The following CYTIP variants were observed in gnomAD, a reference collection of about 807,000 sequenced individuals.
CYTIP encodes the protein cytohesin-interacting protein.
A neutral mutation model predicts 43.8 loss-of-function variants in CYTIP; 26 were observed. That is an observed-to-expected ratio of 0.59 (90% CI 0.44 to 0.82). CYTIP has a LOEUF of 0.82. CYTIP is among the 40% of genes least tolerant of loss of function. The probability of loss-of-function intolerance (pLI) is 0.00; values close to 1 mark genes in which losing one functional copy is unlikely to be tolerated. For synonymous variants in CYTIP, 162 were observed against 162.9 expected, an observed-to-expected ratio of 0.99 and a Z score of 0.04; for missense variants, 426 against 443.1, an observed-to-expected ratio of 0.96 and a Z score of 0.35.
At chr2:157,434,841 TCTCTCTCTCACA>T (rs1396900110) in intron 1 of CYTIP, 94 bp from the exon 2 acceptor site, 60 of 444,436 alleles carry the variant, frequency 1.4e-4, no homozygotes, top group African/African-American at 1.3e-3. Context: ...TCTCTCTCTC[TCTCTCTCTCACA>T]CACACACACA....
chr2:157,416,545 T>C (rs1218297802), intron 7 of CYTIP, among the ~76,000 whole-genome samples: 2 of 152,214 alleles, frequency 1.3e-5, no homozygotes, highest in African/African-American at 4.8e-5. Flanking sequence ...TAGAATACAC[T>C]TGGGGAAATA....
chr2:157,429,454 T>C (rs779509834), intron 5 of CYTIP, among the ~76,000 whole-genome samples: 3 of 152,220 alleles, frequency 2.0e-5, no homozygotes, highest in Non-Finnish European at 2.9e-5. Flanking sequence ...ACTTTTCTCA[T>C]AGTAGTTATC....
chr2:157,443,970 G>C lies in CYTIP; in HGVS notation c.51C>G (p.Asp17Glu). Reference protein sequence around the residue: ...LQHSSNGNLADFCAGPAYSSY... With the variant: ...LQHSSNGNLAEFCAGPAYSSY... ...AGCTATACGCTGGCCCAGCGCAGAA[G>C]TCCGCCAAATTGCCATTGCTGCTGT... Residue 17 changes from aspartate (D) to glutamate (E), a missense_variant, in exon 1 of 8, where the codon GAC becomes GAG. Physicochemically the swap from Asp to Glu is conservative, Grantham distance 45. Coordinates refer to ENST00000264192, the MANE Select transcript of CYTIP (RefSeq NM_004288.5). The C allele has an allele frequency of 6.2e-7, 1 of 1,614,000 alleles. No homozygotes were observed. Among genetic ancestry groups the C allele is most frequent in the Non-Finnish European group, 8.5e-7 (1 of 1,179,972 alleles).
intron 1 of CYTIP, among the ~76,000 whole-genome samples, chr2:157,441,665 C>T (rs1685920969): frequency 6.6e-6 from 1 of 152,036 alleles, no homozygotes; most frequent in Admixed American, 6.6e-5. Flanking sequence ...CAAAATCCCT[C>T]TCTTTATCCT....
chr2:157,419,614 C>A lies in CYTIP; in HGVS notation c.547-1025G>T, dbSNP rs142007139. On this transcript the variant is annotated intron_variant, in intron 6 of 7. Transcript: ENST00000264192. ...TATTTATTCTCTACTGTTCCCCTTC[C>A]TTTGCAAATTCAGGTCCCTATAGCA... 6.6e-5 allele frequency among the ~76,000 whole-genome samples: 10 copies of A among 152,340 alleles called. No homozygotes were observed. In the East Asian group the frequency reaches 1.9e-3, roughly 29 times the overall value.
chr2:157,432,523 T>A (rs746073933), intron 3 of CYTIP, among the ~76,000 whole-genome samples: 1 of 152,158 alleles, frequency 6.6e-6, no homozygotes, highest in Non-Finnish European at 1.5e-5. Context: ...ACTAGGTACA[T>A]TGCATGTATT....
At chr2:157,422,675 A>G (rs1321125639) in intron 6 of CYTIP, among the ~76,000 whole-genome samples, 1 of 151,042 alleles carries the variant, frequency 6.6e-6, no homozygotes. Context: ...TGTCTCAAAA[A>G]AAAAAAAAAA....
chr2:157,427,062 T>C lies in CYTIP; in HGVS notation c.546+289A>G, dbSNP rs543470092. On this transcript the variant is annotated intron_variant, in intron 6 of 7. Transcript: ENST00000264192. ...TAATTCCAAACAAAATGTAAATCAA[T>C]AGAGATCACAGGTGCACTAATGAAG... 3.5e-4 allele frequency among the ~76,000 whole-genome samples: 54 copies of C among 152,240 alleles called. 1 individual carries two copies. In the South Asian group the frequency reaches 0.011, roughly 32 times the overall value.
intron 7 of CYTIP, among the ~76,000 whole-genome samples, chr2:157,417,712 G>A (rs1685458538): frequency 6.7e-6 from 1 of 150,154 alleles, no homozygotes; most frequent in African/African-American, 2.5e-5. Context: ...AAAAAAAACA[G>A]AAGTTCATAC....
chr2:157,417,153 A>G (rs1685450136), intron 7 of CYTIP, among the ~76,000 whole-genome samples: 1 of 152,210 alleles, frequency 6.6e-6, no homozygotes, highest in Non-Finnish European at 1.5e-5. Flanking sequence ...GACAATATAA[A>G]AAGAAACTGT....
Position 157,416,316 on chromosome 2 carries a change from C to T in CYTIP, c.614-173G>A, listed in dbSNP as rs1459749481. 2.0e-5 allele frequency among the ~76,000 whole-genome samples: 3 copies of T among 152,230 alleles called. No individual in the cohort carries two copies. In the East Asian group the frequency reaches 5.8e-4, roughly 29 times the overall value. On this transcript the variant is annotated intron_variant, in intron 7 of 7. Coordinates refer to ENST00000264192, the MANE Select transcript of CYTIP (RefSeq NM_004288.5). ...CTGTTTATGAGACCATTTGATAAAC[C>T]TTATAGTAGGGTTTCCTGAACTATT...
At chr2:157,428,512 C>T (rs1427384254) in intron 5 of CYTIP, among the ~76,000 whole-genome samples, 1 of 152,188 alleles carries the variant, frequency 6.6e-6, no homozygotes, top group Admixed American at 6.5e-5. Flanking sequence ...CCTGCTGAAG[C>T]AATAGATGTG....
chr2:157,422,078 T>C (rs928923840), intron 6 of CYTIP, among the ~76,000 whole-genome samples: 25 of 152,300 alleles, frequency 1.6e-4, no homozygotes, highest in African/African-American at 6.0e-4. Context: ...ATGGCTCATG[T>C]AGAGCTTGTA....
intron 3 of CYTIP, among the ~76,000 whole-genome samples, chr2:157,431,474 A>C (rs1685713684): frequency 6.6e-6 from 1 of 152,148 alleles, no homozygotes; most frequent in Admixed American, 6.5e-5. Context: ...TAATTGACTC[A>C]ATTACCTTCA....
intron 1 of CYTIP, among the ~76,000 whole-genome samples, chr2:157,438,519 A>G (rs920870385): frequency 5.9e-5 from 9 of 152,190 alleles, no homozygotes; most frequent in African/African-American, 2.2e-4. Flanking sequence ...AAATAGTTAG[A>G]AGGAGGATAT....
chr2:157,430,023 A>C (rs1685684758), intron 5 of CYTIP, among the ~76,000 whole-genome samples: 1 of 128,644 alleles, frequency 7.8e-6, no homozygotes, highest in Non-Finnish European at 1.7e-5. Context: ...ACTCCGTCTC[A>C]AAAAAAAAAA....
chr2:157,443,132 T>C (rs2105149423), intron 1 of CYTIP, among the ~76,000 whole-genome samples: 1 of 152,338 alleles, frequency 6.6e-6, no homozygotes, highest in Admixed American at 6.5e-5. Context: ...TAATCTAGCA[T>C]TTAATAAACA....
intron 1 of CYTIP, among the ~76,000 whole-genome samples, chr2:157,443,122 T>C (rs1558943255): frequency 6.6e-6 from 1 of 152,208 alleles, no homozygotes; most frequent in Non-Finnish European, 1.5e-5. Context: ...TAAAATGGCA[T>C]AATCTAGCAT....
chr2:157,431,174 A>C (rs1423543955), intron 3 of CYTIP, among the ~76,000 whole-genome samples: 1 of 152,240 alleles, frequency 6.6e-6, no homozygotes, highest in Non-Finnish European at 1.5e-5. Context: ...TGTCATGAGA[A>C]AGAAAGTGAA....
Sources: gnomAD v4.1 joint callset for allele counts (sites outside exome capture counted in the v4.1 genomes callset) on GRCh38, gnomAD v4.1.1 for gene constraint, MANE v1.5 for transcripts, NCBI Gene and HGNC (gene_info 2026-07-23, HGNC 2026-07-21) for gene names.